FCHSD2: variants seen among roughly 807,000 people sequenced by gnomAD.
FCHSD2 encodes F-BAR and double SH3 domains protein 2.
In FCHSD2, 38 loss-of-function variants were observed where a neutral mutation model predicts 108.1. The ratio of observed to expected loss-of-function variants is 0.35; its 90% CI spans 0.27 to 0.46. The LOEUF is 0.46. FCHSD2 is among the 20% of genes least tolerant of loss of function. The pLI is 1.00. For synonymous variants in FCHSD2, 279 were observed against 314.7 expected (o/e 0.89, Z 1.20); for missense variants, 751 against 897.8 (o/e 0.84, Z 2.09).
chr11:73,092,506 T>C (rs1859981752), intron 2 of FCHSD2, among the ~76,000 whole-genome samples: 1 of 152,156 alleles, frequency 6.6e-6, no homozygotes, highest in South Asian at 2.1e-4. Context: ...ATGGAGCTCC[T>C]TGAGAGCATT....
intron 3 of FCHSD2, 95 bp from the exon 4 acceptor site, chr11:73,015,980 CA>C: frequency 2.9e-6 from 2 of 700,836 alleles, no homozygotes; most frequent in Non-Finnish European, 4.7e-6. Context: ...CTCATTTTTC[CA>C]AATGTAAATT....
At chr11:73,109,084 T>C (rs982186671) in intron 2 of FCHSD2, among the ~76,000 whole-genome samples, 23 of 152,230 alleles carry the variant, frequency 1.5e-4, no homozygotes, top group African/African-American at 5.1e-4. Flanking sequence ...TTCTGTTCCA[T>C]TGACCTGTGT....
At chr11:73,110,954 T>C (rs1860469765) in intron 2 of FCHSD2, among the ~76,000 whole-genome samples, 1 of 152,242 alleles carries the variant, frequency 6.6e-6, no homozygotes, top group Non-Finnish European at 1.5e-5. Flanking sequence ...GCACATTGTT[T>C]AATTTCCATG....
intron 9 of FCHSD2, among the ~76,000 whole-genome samples, chr11:72,910,131 C>A (rs1855729982): frequency 6.7e-6 from 1 of 149,686 alleles, no homozygotes; most frequent in Admixed American, 6.6e-5. Flanking sequence ...AAGTGAGGAG[C>A]ACCTCTGCCC....
chr11:73,087,720 A>ATT (rs111602928), intron 2 of FCHSD2, among the ~76,000 whole-genome samples: 4 of 151,602 alleles, frequency 2.6e-5, no homozygotes, highest in African/African-American at 9.7e-5. Flanking sequence ...AAAAAAAAAA[A>ATT]TTTTTAAAAT....
chr11:72,948,277 G>T (rs977742094), intron 8 of FCHSD2, among the ~76,000 whole-genome samples: 1 of 152,116 alleles, frequency 6.6e-6, no homozygotes, highest in Non-Finnish European at 1.5e-5. Context: ...CAAAATGCTG[G>T]GATTACAAGC....
At chr11:73,025,126 T>C (rs962390383) in intron 3 of FCHSD2, among the ~76,000 whole-genome samples, 1 of 152,178 alleles carries the variant, frequency 6.6e-6, no homozygotes, top group Non-Finnish European at 1.5e-5. Flanking sequence ...AAGCCATCAA[T>C]CCCATTACTG....
chr11:72,927,925 G>A (rs1405272022), intron 8 of FCHSD2, among the ~76,000 whole-genome samples: 2 of 152,180 alleles, frequency 1.3e-5, no homozygotes, highest in African/African-American at 4.8e-5. Flanking sequence ...AAATCAGTTG[G>A]ATGTGGGTTA....
At chr11:72,914,129 C>T (rs147444597) in intron 9 of FCHSD2, among the ~76,000 whole-genome samples, 3 of 152,082 alleles carry the variant, frequency 2.0e-5, no homozygotes, top group Non-Finnish European at 4.4e-5. Context: ...ATTCTCCTGC[C>T]TCAGCCTCCC....
chr11:72,887,475 C>T lies in FCHSD2; in HGVS notation c.1141G>A (p.Ala381Thr). 6.2e-7 allele frequency: 1 copy of T among 1,602,976 alleles called. No individual in the cohort carries two copies. ...IDEARENIRKAEIIKLKAEAR... is the reference protein window; with the variant it reads ...IDEARENIRKTEIIKLKAEAR... ...ACAATTAGCTGCCACCTTACCTCTG[C>T]TTTACGAATATTTTCTCTAGCTTCA... Residue 381 changes from alanine (A) to threonine (T), a missense_variant, in exon 12 of 20, where the codon GCA (alanine) becomes ACA (threonine). Physicochemically the swap from Ala to Thr is moderately conservative, Grantham distance 58. Transcript: ENST00000409418.
chr11:73,025,741 A>G (rs1326649228), intron 3 of FCHSD2, among the ~76,000 whole-genome samples: 2 of 152,178 alleles, frequency 1.3e-5, no homozygotes, highest in African/African-American at 2.4e-5. Context: ...TGACTAAACT[A>G]TATCTCTAAA....
At chr11:72,903,421 C>A (rs1446375195) in intron 9 of FCHSD2, among the ~76,000 whole-genome samples, 3 of 151,696 alleles carry the variant, frequency 2.0e-5, no homozygotes, top group African/African-American at 4.8e-5. Context: ...GGGTTTCACC[C>A]TGTTAGCCAG....
At chr11:72,984,019 C>A in intron 8 of FCHSD2, 69 bp downstream of exon 8, 2 of 1,316,050 alleles carry the variant, frequency 1.5e-6, no homozygotes, top group Non-Finnish European at 2.1e-6. Context: ...CCCATAAACC[C>A]AACACCCAAC....
chr11:72,902,559 G>C lies in FCHSD2; in HGVS notation c.908C>G (p.Pro303Arg). ...TTCCCTTACAGTATCACTGTCACAA[G>C]GCTGGAACTGGAAGGGCTGGGGTTT... ...FHKPQPFQFQPCDSDTSRQLE... is the reference protein window; with the variant it reads ...FHKPQPFQFQRCDSDTSRQLE... The change falls in exon 10 of 20, where the codon CCT (proline) becomes CGT (arginine). Residue 303 changes from proline to arginine, a missense_variant. By Grantham distance (103) the Pro-to-Arg change is moderately radical. Transcript: ENST00000409418. The C allele has an allele frequency of 1.9e-6, 3 of 1,582,594 alleles. No individual in the cohort carries two copies. Among genetic ancestry groups the C allele is most frequent in the Non-Finnish European group, 1.7e-6 (2 of 1,162,746 alleles).
chr11:72,935,440 C>T (rs1199546327), intron 8 of FCHSD2, among the ~76,000 whole-genome samples: 1 of 152,110 alleles, frequency 6.6e-6, no homozygotes, highest in African/African-American at 2.4e-5. Flanking sequence ...CTAAAATAGA[C>T]TTTGGTAAAA....
At chr11:72,959,856 GTGTGTGT>G (rs1856790891) in intron 8 of FCHSD2, among the ~76,000 whole-genome samples, 2 of 141,488 alleles carry the variant, frequency 1.4e-5, no homozygotes, top group African/African-American at 5.8e-5. Flanking sequence ...TTTCTAGGGT[GTGTGTGT>G]GTGTGTGTGT....
intron 2 of FCHSD2, among the ~76,000 whole-genome samples, chr11:73,095,335 T>C (rs1208186135): frequency 6.6e-6 from 1 of 152,202 alleles, no homozygotes; most frequent in Non-Finnish European, 1.5e-5. Flanking sequence ...TAAGTGACAA[T>C]ATCACATTCC....
At chr11:73,113,328 TG>T (rs1333276201) in intron 2 of FCHSD2, among the ~76,000 whole-genome samples, 2 of 151,168 alleles carry the variant, frequency 1.3e-5, no homozygotes, top group Non-Finnish European at 2.9e-5. Context: ...TTAGTTTGGT[TG>T]ATCATCATGC....
intron 2 of FCHSD2, among the ~76,000 whole-genome samples, chr11:73,113,024 T>C (rs1034971284): frequency 6.6e-5 from 10 of 152,084 alleles, no homozygotes; most frequent in Non-Finnish European, 1.0e-4. Context: ...TTTTTATTCT[T>C]TTTTCTTCTG....
Sources: gnomAD v4.1 joint callset for allele counts (sites outside exome capture counted in the v4.1 genomes callset) on GRCh38, gnomAD v4.1.1 for gene constraint, MANE v1.5 for transcripts, NCBI Gene and HGNC (gene_info 2026-07-23, HGNC 2026-07-21) for gene names.